The following PCLO variants were observed in gnomAD, a reference collection of about 807,000 sequenced individuals.
PCLO encodes the protein protein piccolo.
In PCLO, 82 loss-of-function variants were observed where a neutral mutation model predicts 427.5. The observed-to-expected ratio is 0.19, with a 90% CI of 0.16 to 0.23. PCLO has a LOEUF of 0.23. Ranked by LOEUF, PCLO falls within the 10% of genes least tolerant of loss-of-function variation. The pLI is 1.00. For missense variants in PCLO, 6,239 were observed against 6,115.9 expected, an observed-to-expected ratio of 1.02 and a Z score of -0.67; for synonymous variants, 2,357 against 2,155.4, an observed-to-expected ratio of 1.09 and a Z score of -2.59.
chr7:82,865,939 C>G (rs982922651), intron 10 of PCLO, among the ~76,000 whole-genome samples: 12 of 152,146 alleles, frequency 7.9e-5, no homozygotes, highest in Non-Finnish European at 4.4e-5. Flanking sequence ...CAGCTTATGT[C>G]AGGTCAATTG....
At chr7:82,808,545 T>C (rs1182660323) in intron 20 of PCLO, among the ~76,000 whole-genome samples, 1 of 151,890 alleles carries the variant, frequency 6.6e-6, no homozygotes, top group African/African-American at 2.4e-5. Context: ...TTGAATAGAA[T>C]TCTCATTTTG....
intron 3 of PCLO, among the ~76,000 whole-genome samples, chr7:83,013,733 G>C (rs1788141893): frequency 6.6e-6 from 1 of 152,164 alleles, no homozygotes; most frequent in Non-Finnish European, 1.5e-5. Flanking sequence ...TTCTGAGACT[G>C]CTTTCTTAGA....
rs774166520 is a variant in PCLO, at chr7:82,955,404, T to G, written c.5549A>C (p.Glu1850Ala). ...TTCAGAACAAGAAGATCTATGGAGCTCCTCCATTTCTGCAGCCTGACGTAA... is the reference window on the plus strand; with the variant it reads ...TTCAGAACAAGAAGATCTATGGAGCGCCTCCATTTCTGCAGCCTGACGTAA... ...EELRQAAEME[E>A]LHRSSCSEYS... The change falls in exon 5 of 25, where the codon GAG becomes GCG. Residue 1850 changes from glutamate to alanine, a missense_variant. Coordinates refer to ENST00000333891, the MANE Select transcript of PCLO (RefSeq NM_033026.6). 2.1e-5 allele frequency: 34 copies of G among 1,613,684 alleles called. No individual in the cohort carries two copies. The highest frequency in any genetic ancestry group is 2.8e-5 in the Non-Finnish European group (33 of 1,179,794).
At chr7:82,800,656 C>G (rs572175115) in intron 22 of PCLO, among the ~76,000 whole-genome samples, 2 of 152,014 alleles carry the variant, frequency 1.3e-5, no homozygotes, top group South Asian at 2.1e-4. Flanking sequence ...AGTGCAGTGG[C>G]GAGATCTGGG....
chr7:82,854,674 G>C (rs1413237679), intron 10 of PCLO, among the ~76,000 whole-genome samples: 2 of 151,962 alleles, frequency 1.3e-5, no homozygotes, highest in Non-Finnish European at 2.9e-5. Context: ...TTCCATTTTT[G>C]GGCAGGACTG....
At chr7:82,889,625 T>G (rs538349507) in intron 9 of PCLO, among the ~76,000 whole-genome samples, 2 of 152,280 alleles carry the variant, frequency 1.3e-5, no homozygotes, top group East Asian at 3.9e-4. Context: ...TTTACTTCTG[T>G]AAATATATTG....
intron 3 of PCLO, among the ~76,000 whole-genome samples, chr7:83,081,874 C>T (rs536428138): frequency 6.6e-6 from 1 of 151,432 alleles, no homozygotes; most frequent in South Asian, 2.1e-4. Flanking sequence ...CCATATAATA[C>T]CTAGAATAAT....
At chr7:82,932,036 T>C (rs571134870) in intron 6 of PCLO, among the ~76,000 whole-genome samples, 1 of 152,120 alleles carries the variant, frequency 6.6e-6, no homozygotes, top group African/African-American at 2.4e-5. Flanking sequence ...AGAAAGCTTA[T>C]GTCTTCACCG....
At chr7:82,830,435 A>G (rs921833346) in intron 16 of PCLO, among the ~76,000 whole-genome samples, 2 of 152,020 alleles carry the variant, frequency 1.3e-5, no homozygotes, top group Non-Finnish European at 2.9e-5. Context: ...AAATTAATAC[A>G]TAGAAAGAGT....
chr7:83,159,797 T>A, intron 1 of PCLO, among the ~76,000 whole-genome samples: 1 of 151,834 alleles, frequency 6.6e-6, no homozygotes, highest in East Asian at 1.9e-4. Flanking sequence ...TATCTGTTAA[T>A]TTTTATATAT....
chr7:82,811,172 G>A (rs940293258), intron 20 of PCLO, among the ~76,000 whole-genome samples: 3 of 151,400 alleles, frequency 2.0e-5, no homozygotes, highest in African/African-American at 2.4e-5. Flanking sequence ...AAGATTAACC[G>A]AAATAAAAAG....
rs552977176 is a variant in PCLO at position 83,101,390 on chromosome 7, A to G, written c.3300+32860T>C. 1.2e-4 allele frequency among the ~76,000 whole-genome samples: 18 copies of G among 152,236 alleles called. No individual in the cohort carries two copies. In the South Asian group the frequency reaches 3.7e-3, roughly 32 times the overall value. The stretch of plus-strand genomic sequence containing the variant: ...TAAATATTTCTACAAAGAAAATAAC[A>G]CCATAGCTAAATAAATCTGCATCAC... On this transcript the variant is annotated intron_variant, in intron 3 of 24. Coordinates refer to ENST00000333891, the MANE Select transcript of PCLO (RefSeq NM_033026.6).
chr7:83,113,616 G>T (rs893086058), intron 3 of PCLO, among the ~76,000 whole-genome samples: 1 of 152,100 alleles, frequency 6.6e-6, no homozygotes, highest in Non-Finnish European at 1.5e-5. Context: ...TAACATATAG[G>T]ATTAATTCAC....
chr7:82,964,164 A>AAGAT (rs148018776), intron 4 of PCLO, among the ~76,000 whole-genome samples: 9,074 of 152,068 alleles, frequency 0.06, 884 homozygotes, highest in African/African-American at 0.21. Context: ...AGCAGTAAGT[A>AAGAT]AGGTAGTGCC....
At position 82,758,546 on chromosome 7, in the gene PCLO, G is replaced by A; in HGVS notation, c.*29C>T. ...TCTTGATGTGAGGCTATTTAGAGCA[G>A]TTTCTATACCCTGAGAAGACATGTT... On this transcript the variant is annotated 3_prime_UTR_variant, in exon 25 of 25. Transcript: ENST00000333891. 1 of 1,597,168 alleles carries A rather than the reference G, an allele frequency of 6.3e-7. No individual in the cohort carries two copies. Among genetic ancestry groups the A allele is most frequent in the Non-Finnish European group, 8.5e-7 (1 of 1,171,820 alleles).
chr7:83,004,977 C>A (rs1787912407), intron 3 of PCLO, among the ~76,000 whole-genome samples: 1 of 151,544 alleles, frequency 6.6e-6, no homozygotes, highest in Non-Finnish European at 1.5e-5. Context: ...AATGATATAT[C>A]ACCTTACACC....
At position 83,071,687 on chromosome 7, in the gene PCLO, TGAAAA is replaced by T. The variant is rs558864600; in HGVS notation, c.3300+62558_3300+62562del. On this transcript the variant is annotated intron_variant, in intron 3 of 24. Coordinates refer to ENST00000333891, the MANE Select transcript of PCLO (RefSeq NM_033026.6). ...TCATGAATCTTTCCATTACTACTAA[TGAAAA>T]GAAGCTTTCCGTGGGTGAGAGTGGG... Among the ~76,000 whole-genome samples, 179 of 152,268 alleles carry T rather than the reference TGAAAA, an allele frequency of 1.2e-3. 1 individual carries two copies. The highest frequency in any genetic ancestry group is 1.8e-3 in the Non-Finnish European group (123 of 68,004).
intron 3 of PCLO, among the ~76,000 whole-genome samples, chr7:83,054,074 G>C (rs1789318498): frequency 6.6e-6 from 1 of 151,850 alleles, no homozygotes; most frequent in Non-Finnish European, 1.5e-5. Context: ...TCTGAACTTT[G>C]GTTCAAAAAT....
At chr7:83,007,073 C>T (rs1362193233) in intron 3 of PCLO, among the ~76,000 whole-genome samples, 3 of 151,420 alleles carry the variant, frequency 2.0e-5, no homozygotes. Context: ...AGATGTATCC[C>T]AAGGTCCTTG....
Sources: allele counts gnomAD v4.1 joint callset (sites outside exome capture counted in the v4.1 genomes callset), GRCh38; gene constraint gnomAD v4.1.1; transcripts MANE v1.5; gene names NCBI Gene and HGNC (gene_info 2026-07-23, HGNC 2026-07-21).